Variants in ROBO2 observed in about 807,000 individuals in gnomAD.
ROBO2 encodes the protein roundabout homolog 2.
A neutral mutation model predicts 160.8 loss-of-function variants in ROBO2; 53 were observed. The ratio of observed to expected loss-of-function variants is 0.33; its 90% CI spans 0.26 to 0.41. The LOEUF (loss-of-function observed/expected upper bound fraction) is 0.41. Ranked by LOEUF, ROBO2 falls within the 10% of genes least tolerant of loss-of-function variation. The probability of loss-of-function intolerance (pLI) is 1.00; values close to 1 mark genes in which losing one functional copy is unlikely to be tolerated. For synonymous variants in ROBO2, 664 were observed against 611.7 expected (o/e 1.09, Z -1.26); for missense variants, 1,577 against 1,722.4 (o/e 0.92, Z 1.49).
chr3:77,183,211 C>G (rs776510835), intron 2 of ROBO2, among the ~76,000 whole-genome samples: 2 of 152,038 alleles, frequency 1.3e-5, no homozygotes, highest in Admixed American at 6.6e-5. Flanking sequence ...TCTTCTCCCC[C>G]ATAAGCTTTA....
exon 16 of ROBO2, chr3:77,580,004 A>G (rs1370514214): frequency 3.7e-6 from 6 of 1,613,670 alleles, no homozygotes; most frequent in Non-Finnish European, 5.1e-6. Context: ...GGATGCAGCC[A>G]TTCGGTCCGT....
intron 13 of ROBO2, among the ~76,000 whole-genome samples, chr3:77,571,570 A>C (rs1213605406): frequency 6.6e-6 from 1 of 152,108 alleles, no homozygotes; most frequent in Non-Finnish European, 1.5e-5. Context: ...TATGGCTGGA[A>C]GCCTGAAGTT....
chr3:76,005,161 T>C (rs1270797822), intron 2 of ROBO2, among the ~76,000 whole-genome samples: 1 of 152,182 alleles, frequency 6.6e-6, no homozygotes, highest in Non-Finnish European at 1.5e-5. Flanking sequence ...AATTGCCCAG[T>C]CTCTTATATT....
At chr3:76,240,213 T>C (rs1186839923) in intron 2 of ROBO2, among the ~76,000 whole-genome samples, 1 of 152,102 alleles carries the variant, frequency 6.6e-6, no homozygotes, top group Non-Finnish European at 1.5e-5. Flanking sequence ...ACACTTCCCA[T>C]AGTGGTTTGC....
chr3:77,444,798 G>A (rs1400827498), intron 2 of ROBO2, among the ~76,000 whole-genome samples: 1 of 152,152 alleles, frequency 6.6e-6, no homozygotes, highest in Non-Finnish European at 1.5e-5. Context: ...GCTATATAAT[G>A]TATAGAAAAG....
chr3:76,770,025 C>T (rs2061793523), intron 2 of ROBO2, among the ~76,000 whole-genome samples: 1 of 151,420 alleles, frequency 6.6e-6, no homozygotes, highest in African/African-American at 2.4e-5. Context: ...TTTGTGTCAA[C>T]TATGTTTATC....
intron 2 of ROBO2, among the ~76,000 whole-genome samples, chr3:77,183,543 C>A (rs141503319): frequency 7.9e-5 from 12 of 152,086 alleles, no homozygotes; most frequent in African/African-American, 2.9e-4. Flanking sequence ...AATAAGATGG[C>A]CATCAAGGGC....
chr3:76,693,993 A>G (rs1321115328), intron 2 of ROBO2, among the ~76,000 whole-genome samples: 1 of 152,140 alleles, frequency 6.6e-6, no homozygotes, highest in Non-Finnish European at 1.5e-5. Context: ...ACCTAAAACT[A>G]ACCATCACAA....
intron 2 of ROBO2, among the ~76,000 whole-genome samples, chr3:76,151,244 G>A (rs1451431960): frequency 6.6e-6 from 1 of 152,034 alleles, no homozygotes; most frequent in South Asian, 2.1e-4. Context: ...GATTATGCTA[G>A]TTTCCTATAA....
intron 2 of ROBO2, among the ~76,000 whole-genome samples, chr3:77,232,530 C>A (rs2087359469): frequency 6.6e-6 from 1 of 152,142 alleles, no homozygotes. Flanking sequence ...TTAACTGTTT[C>A]TAAAAGCAGG....
chr3:77,442,299 G>A (rs1287327183), intron 2 of ROBO2, among the ~76,000 whole-genome samples: 3 of 151,562 alleles, frequency 2.0e-5, no homozygotes, highest in African/African-American at 7.3e-5. Flanking sequence ...GCGACAGAGC[G>A]AGACTCCGGC....
At chr3:76,288,301 A>G (rs969834429) in intron 2 of ROBO2, among the ~76,000 whole-genome samples, 1 of 152,158 alleles carries the variant, frequency 6.6e-6, no homozygotes, top group Admixed American at 6.5e-5. Flanking sequence ...CCTTCCTCCT[A>G]TTTGAGAGCC....
chr3:77,555,840 T>C (rs775170727), intron 8 of ROBO2, among the ~76,000 whole-genome samples: 22 of 151,932 alleles, frequency 1.4e-4, no homozygotes, highest in Admixed American at 2.6e-4. Context: ...TGGAAACCTG[T>C]GGTCATCTTT....
intron 2 of ROBO2, among the ~76,000 whole-genome samples, chr3:77,469,260 A>G (rs2083102727): frequency 1.3e-5 from 2 of 152,192 alleles, no homozygotes; most frequent in African/African-American, 2.4e-5. Flanking sequence ...TTGTCCAGCC[A>G]TGTCCTTAAG....
chr3:75,929,984 T>C (rs1194953700), intron 1 of ROBO2, among the ~76,000 whole-genome samples: 1 of 152,174 alleles, frequency 6.6e-6, no homozygotes, highest in Non-Finnish European at 1.5e-5. Flanking sequence ...CGTGAGCCAC[T>C]GCACCTGGCC....
intron 2 of ROBO2, among the ~76,000 whole-genome samples, chr3:76,546,597 G>A (rs1228470256): frequency 2.0e-5 from 3 of 151,866 alleles, no homozygotes; most frequent in Non-Finnish European, 4.4e-5. Flanking sequence ...TACATCTGTT[G>A]TTGCTAGCTT....
chr3:76,374,660 C>A (rs980401687), intron 2 of ROBO2, among the ~76,000 whole-genome samples: 1 of 151,774 alleles, frequency 6.6e-6, no homozygotes, highest in Non-Finnish European at 1.5e-5. Flanking sequence ...ATTGTCCAAC[C>A]CCTTAGCCTC....
chr3:76,825,277 G>C (rs1345704319), intron 2 of ROBO2, among the ~76,000 whole-genome samples: 1 of 152,120 alleles, frequency 6.6e-6, no homozygotes, highest in African/African-American at 2.4e-5. Flanking sequence ...GGCAATAAAT[G>C]GATGACTGGC....
chr3:76,357,216 T>C (rs1354437163), intron 2 of ROBO2, among the ~76,000 whole-genome samples: 1 of 151,924 alleles, frequency 6.6e-6, no homozygotes, highest in Non-Finnish European at 1.5e-5. Context: ...TGGAGGCCAT[T>C]ATCCTGAGTG....
Sources: gnomAD v4.1 joint callset for allele counts (sites outside exome capture counted in the v4.1 genomes callset) on GRCh38, gnomAD v4.1.1 for gene constraint, MANE v1.5 for transcripts, NCBI Gene and HGNC (gene_info 2026-07-23, HGNC 2026-07-21) for gene names.